The following MVK variants were observed in gnomAD, a reference collection of about 807,000 sequenced individuals.
MVK encodes the protein LH receptor mRNA-binding protein.
In MVK, 34 loss-of-function variants were observed where a neutral mutation model predicts 43.2. The ratio of observed to expected loss-of-function variants is 0.79; its 90% CI spans 0.60 to 1.05. MVK has a LOEUF of 1.05. Ranked by LOEUF, MVK falls within the 50% of genes least tolerant of loss-of-function variation. The pLI is 0.00. For missense variants in MVK, 395 were observed against 504.0 expected (o/e 0.78, Z 2.07); for synonymous variants, 190 against 219.8 (o/e 0.86, Z 1.20).
At chr12:109,592,603 G>C (rs1307985619) in intron 9 of MVK, among the ~76,000 whole-genome samples, 2 of 152,212 alleles carry the variant, frequency 1.3e-5, no homozygotes, top group Non-Finnish European at 2.9e-5. Context: ...CTTTTCACTT[G>C]ATCCTCACAC....
intron 7 of MVK, 24 bp from the exon 8 acceptor site, chr12:109,590,747 A>C (rs1593026860): frequency 6.2e-7 from 1 of 1,610,654 alleles, no homozygotes; most frequent in Non-Finnish European, 8.5e-7. Context: ...TTCAGTGTGG[A>C]CCTGCCTCCT....
At chr12:109,580,127 G>T (rs777690845) in intron 4 of MVK, among the ~76,000 whole-genome samples, 181 bp downstream of exon 4, 6 of 152,106 alleles carry the variant, frequency 3.9e-5, no homozygotes, top group Non-Finnish European at 8.8e-5. Flanking sequence ...TTTTTTTTGA[G>T]ACAGGGTCTC....
At chr12:109,573,547 C>G, upstream of MVK, 2 of 1,535,308 alleles carry the variant, frequency 1.3e-6, no homozygotes, top group Non-Finnish European at 1.8e-6. Flanking sequence ...TGACTCCACC[C>G]ACAGCTGGCC....
chr12:109,587,184 C>G, intron 7 of MVK: 1 of 295,264 alleles, frequency 3.4e-6, no homozygotes, highest in Non-Finnish European at 6.7e-6. Flanking sequence ...TCCAAGGACT[C>G]TCAGTCTGCT....
intron 5 of MVK, among the ~76,000 whole-genome samples, chr12:109,584,551 T>C (rs924144624): frequency 3.3e-5 from 5 of 152,178 alleles, no homozygotes; most frequent in African/African-American, 9.7e-5. Context: ...AAGCAGTTGC[T>C]CACAGATGCC....
chr12:109,586,784 T>C lies in MVK; in HGVS notation c.662T>C (p.Ile221Thr), dbSNP rs1885453809. The stretch of plus-strand genomic sequence containing the variant: ...GCCCTCCGATACCATCAAGGGAAGA[T>C]TTCATCCTTAAAGAGGTAACCTGGG... ...GGALRYHQGK[I>T]SSLKRSPALQ... is the part of the protein sequence containing the mutation. The change falls in exon 7 of 11, where the codon ATT becomes ACT. Residue 221 changes from isoleucine to threonine, a missense_variant. Ile to Thr is a moderately conservative substitution (Grantham distance 89). Transcript: ENST00000228510. 1 of 1,614,142 alleles carries C rather than the reference T, an allele frequency of 6.2e-7. No individual in the cohort carries two copies. The highest frequency in any genetic ancestry group is 8.5e-7 in the Non-Finnish European group (1 of 1,180,006).
In MVK at chr12:109,597,848, C is replaced by A. The variant is rs1885984226; in HGVS notation, c.*1271C>A. 6.6e-6 allele frequency: 1 copy of A among 152,182 alleles called. No individual in the cohort carries two copies. Among genetic ancestry groups the A allele is most frequent in the African/African-American group, 2.4e-5 (1 of 41,424 alleles). 9.4% of individuals were successfully genotyped at this position (152,182 alleles called of 1,614,324 possible). A position where few individuals can be genotyped will look rare whatever the true frequency, so the allele number is the denominator to read the frequency against. ...CAGGGATTTCAGGATGAGGTGAAAG[C>A]GATTCAGTGCGCGTCTGCCCTTGGC... On this transcript the variant is annotated 3_prime_UTR_variant, in exon 11 of 11. Transcript: ENST00000228510.
Position 109,579,850 on chromosome 12 carries a change from AGGAGGTT to A in MVK, c.277_283del (p.Glu93GlnfsTer38), listed in dbSNP as rs104895369. On this transcript the variant is annotated frameshift_variant, in exon 4 of 11. Transcript: ENST00000228510. LOFTEE classifies it high-confidence loss of function. ...ACCTCAGAGCAAGTGGAGAAGCTAA[AGGAGGTT>A]GCAGGCTTGCCTGACGACTGTGCTG... The A allele has an allele frequency of 5.0e-6, 8 of 1,614,250 alleles. No homozygotes were observed. The highest frequency in any genetic ancestry group is 5.9e-6 in the Non-Finnish European group (7 of 1,180,042).
At chr12:109,586,957 G>A in intron 7 of MVK, 158 bp downstream of exon 7, 1 of 823,718 alleles carries the variant, frequency 1.2e-6, no homozygotes, top group South Asian at 1.5e-5. Context: ...AGGAAGCAGG[G>A]GTGGTGGGGA....
intron 4 of MVK, among the ~76,000 whole-genome samples, chr12:109,580,913 C>T (rs893319073): frequency 1.3e-5 from 2 of 151,702 alleles, no homozygotes; most frequent in African/African-American, 4.8e-5. Context: ...GGAGGGCAGG[C>T]GGGGGTCCTA....
At chr12:109,590,887 G>C (rs765415588) in intron 8 of MVK, 26 bp downstream of exon 8, 8 of 1,609,154 alleles carry the variant, frequency 5.0e-6, no homozygotes, top group African/African-American at 4.0e-5. Context: ...TTCTTGGGCA[G>C]GTTTCAGGAA....
At position 109,574,847 on chromosome 12, in the gene MVK, T is replaced by A; in HGVS notation, c.25T>A (p.Ser9Thr). 1 of 1,609,150 alleles carries A rather than the reference T, an allele frequency of 6.2e-7. No individual in the cohort carries two copies. The highest frequency in any genetic ancestry group is 8.5e-7 in the Non-Finnish European group (1 of 1,177,742). Reference sequence around the variant, plus strand: ...CATGTTGTCAGAAGTCCTACTGGTGTCTGCTCCGGGGAAAGTCATCCTTCA... The same window carrying A: ...CATGTTGTCAGAAGTCCTACTGGTGACTGCTCCGGGGAAAGTCATCCTTCA... MLSEVLLV[S>T]APGKVILHGE... The change falls in exon 2 of 11, where the codon TCT becomes ACT. Residue 9 changes from serine to threonine, a missense_variant. Physicochemically the swap from Ser to Thr is moderately conservative, Grantham distance 58 (BLOSUM62 1). Transcript: ENST00000228510.
Position 109,597,449 on chromosome 12 carries a change from A to C in MVK, c.*872A>C, listed in dbSNP as rs1053947064. 6.6e-6 allele frequency: 1 copy of C among 152,436 alleles called. No individual in the cohort carries two copies. Among genetic ancestry groups the C allele is most frequent in the Middle Eastern group, 3.4e-3 (1 of 296 alleles). 9.4% of individuals were successfully genotyped at this position (152,436 alleles called of 1,614,324 possible). A position where few individuals can be genotyped will look rare whatever the true frequency, so the allele number is the denominator to read the frequency against. ...GGGACTGGGACACGGCTCTCAGTCC[A>C]TCAGCACAACTCTAGGCTGCTGCTG... is the stretch of plus-strand genomic sequence containing the variant. On this transcript the variant is annotated 3_prime_UTR_variant, in exon 11 of 11. Transcript: ENST00000228510.
chr12:109,596,293 T>A, intron 10 of MVK, 133 bp from the exon 11 acceptor site: 1 of 1,320,588 alleles, frequency 7.6e-7, no homozygotes, highest in Non-Finnish European at 1.1e-6. Context: ...CCTTGGGCTT[T>A]ATGGCCTGTT....
At chr12:109,582,990 T>A (rs1414992389) in intron 5 of MVK, among the ~76,000 whole-genome samples, 1 of 151,954 alleles carries the variant, frequency 6.6e-6, no homozygotes, top group Non-Finnish European at 1.5e-5. Flanking sequence ...ATTCAGCCCA[T>A]CGTACTCTTA....
upstream of MVK, chr12:109,573,477 C>A (rs1157166932): frequency 1.2e-6 from 2 of 1,603,184 alleles, no homozygotes; most frequent in East Asian, 2.2e-5. Context: ...CCGCACACAG[C>A]CATGAGCCAG....
At chr12:109,581,616 A>C (rs1593017809) in intron 5 of MVK, 66 bp downstream of exon 5, 2 of 1,607,716 alleles carry the variant, frequency 1.2e-6, no homozygotes, top group Non-Finnish European at 1.7e-6. Flanking sequence ...GGCTTCTCTC[A>C]CTGAGACCTC....
chr12:109,576,002 C>T lies in MVK; in HGVS notation c.83C>T (p.Ala28Val). Reference sequence around the variant, plus strand: ...CTTTTGTCATTTATTCTATAGGTAGCACTGGCTGTATCCTTGAACTTGAGA... The same window carrying T: ...CTTTTGTCATTTATTCTATAGGTAGTACTGGCTGTATCCTTGAACTTGAGA... Reference protein sequence around the residue: ...GEHAVVHGKVALAVSLNLRTF... With the variant: ...GEHAVVHGKVVLAVSLNLRTF... Residue 28 changes from alanine (A) to valine (V), a missense_variant, in exon 3 of 11, where the codon GCA (alanine) becomes GTA (valine). Transcript: ENST00000228510. 6.2e-7 allele frequency: 1 copy of T among 1,614,214 alleles called. No individual in the cohort carries two copies. The highest frequency in any genetic ancestry group is 8.5e-7 in the Non-Finnish European group (1 of 1,180,032).
intron 5 of MVK, among the ~76,000 whole-genome samples, chr12:109,583,551 A>G (rs1035264940): frequency 6.6e-6 from 1 of 152,256 alleles, no homozygotes; most frequent in African/African-American, 2.4e-5. Context: ...TAGTGCTGCA[A>G]TAAACACACG....
Sources: allele counts gnomAD v4.1 joint callset (sites outside exome capture counted in the v4.1 genomes callset), GRCh38; gene constraint gnomAD v4.1.1; transcripts MANE v1.5; gene names NCBI Gene and HGNC (gene_info 2026-07-23, HGNC 2026-07-21).